WEE1: variants seen among roughly 807,000 people sequenced by gnomAD.
WEE1 encodes WEE1 G2 checkpoint kinase.
WEE1 carries 16 observed loss-of-function variants against 68.8 expected under a neutral mutation model. The ratio of observed to expected loss-of-function variants is 0.23; its 90% CI spans 0.16 to 0.35. The LOEUF is 0.35. Among genes scored for constraint, WEE1 ranks in the 10% least tolerant of loss-of-function variants. The pLI, the probability that WEE1 is intolerant of heterozygous loss-of-function variation, is 1.00. For missense variants in WEE1, 651 were observed against 824.1 expected (o/e 0.79, Z 2.57); for synonymous variants, 349 against 318.7 (o/e 1.09, Z -1.01).
intron 1 of WEE1, chr11:9,575,311 A>AT (rs1418752358): frequency 2.0e-6 from 2 of 987,390 alleles, no homozygotes. Flanking sequence ...TTTAAAGCTG[A>AT]TACTTCCAGA....
intron 6 of WEE1, among the ~76,000 whole-genome samples, chr11:9,584,367 A>T (rs1849677961): frequency 6.6e-6 from 1 of 152,084 alleles, no homozygotes; most frequent in Non-Finnish European, 1.5e-5. Flanking sequence ...GCTGGTCTCG[A>T]ATTCCAAGTC....
At position 9,586,581 on chromosome 11, in the gene WEE1, C is replaced by G; in HGVS notation, c.1603C>G (p.Pro535Ala). ...CAGACAGGGTAGATTACCTCGGATA[C>G]CACAAGTGCTTTCCCAAGAATTTAC... ...EIRQGRLPRI[P>A]QVLSQEFTEL... Residue 535 changes from proline to alanine, a missense_variant, in exon 9 of 11, where the codon CCA (proline) becomes GCA (alanine). Coordinates refer to ENST00000450114, the MANE Select transcript of WEE1 (RefSeq NM_003390.4). The G allele has an allele frequency of 6.2e-7, 1 of 1,614,062 alleles. No individual in the cohort carries two copies. The highest frequency in any genetic ancestry group is 8.5e-7 in the Non-Finnish European group (1 of 1,180,018).
At chr11:9,581,737 C>T (rs183974853) in intron 6 of WEE1, 59 bp downstream of exon 6, 9 of 1,484,016 alleles carry the variant, frequency 6.1e-6, no homozygotes, top group Non-Finnish European at 8.1e-6. Context: ...TAAATTACTT[C>T]ATTATGACAA....
Position 9,589,546 on chromosome 11 carries a change from T to A in WEE1, c.*944T>A. The A allele has an allele frequency of 2.0e-6, 2 of 985,770 alleles. No homozygotes were observed. Among genetic ancestry groups the A allele is most frequent in the Non-Finnish European group, 2.4e-6 (2 of 829,926 alleles). 61.1% of individuals were successfully genotyped at this position (985,770 alleles called of 1,614,324 possible). On this transcript the variant is annotated 3_prime_UTR_variant, in exon 11 of 11. Transcript: ENST00000450114. ...TGATACTGTACATAGCTGTTTGAAATGCCAGAATGACTTCTGACATTCCAA... is the reference window on the plus strand; with the variant it reads ...TGATACTGTACATAGCTGTTTGAAAAGCCAGAATGACTTCTGACATTCCAA...
intron 1 of WEE1, chr11:9,575,198 C>T (rs1849551472): frequency 1.0e-6 from 1 of 985,454 alleles, no homozygotes; most frequent in African/African-American, 1.7e-5. Context: ...TGATTAGGAA[C>T]ATCCTACCGT....
At position 9,589,580 on chromosome 11, in the gene WEE1, C is replaced by T; in HGVS notation, c.*978C>T. The T allele has an allele frequency of 1.0e-6, 1 of 985,698 alleles. No individual in the cohort carries two copies. The highest frequency in any genetic ancestry group is 1.2e-6 in the Non-Finnish European group (1 of 829,876). 61.1% of individuals were successfully genotyped at this position (985,698 alleles called of 1,614,324 possible). On this transcript the variant is annotated 3_prime_UTR_variant, in exon 11 of 11. Transcript: ENST00000450114. ...GACTTCTGACATTCCAAGTTTTTCA[C>T]AAAATATATTTTATCTGTGATTAGC...
At position 9,588,923 on chromosome 11, in the gene WEE1, CT is replaced by C; in HGVS notation, c.*322del. 2.0e-6 allele frequency: 2 copies of C among 997,168 alleles called. No homozygotes were observed. The highest frequency in any genetic ancestry group is 2.4e-6 in the Non-Finnish European group (2 of 837,308). 61.8% of individuals were successfully genotyped at this position (997,168 alleles called of 1,614,324 possible). The stretch of plus-strand genomic sequence containing the variant: ...AAAAGGTGTCTTTCCCTGTAGTGAC[CT>C]GTAAAAAGTACTCAAGGGCTTTATT... On this transcript the variant is annotated 3_prime_UTR_variant, in exon 11 of 11. Transcript: ENST00000450114.
At position 9,589,096 on chromosome 11, in the gene WEE1, T is replaced by C. The variant is rs908602869; in HGVS notation, c.*494T>C. The C allele has an allele frequency of 1.1e-5, 11 of 985,756 alleles. No individual in the cohort carries two copies. The African/African-American group carries it at 1.2e-4, about 11-fold the overall frequency. The allele number at this position is 985,756 out of a possible 1,614,324, so 61.1% of individuals were successfully genotyped here. The stretch of plus-strand genomic sequence containing the variant: ...TCCCACTGGGAGCACTTTGTAGGCA[T>C]TGCATGAACCATGGGATGATGATTC... On this transcript the variant is annotated 3_prime_UTR_variant, in exon 11 of 11. Transcript: ENST00000450114.
intron 4 of WEE1, 82 bp from the exon 5 acceptor site, chr11:9,577,060 G>A (rs1849572358): frequency 6.8e-7 from 1 of 1,460,768 alleles, no homozygotes; most frequent in Non-Finnish European, 9.2e-7. Flanking sequence ...AAAATTTATT[G>A]TATGAAGTTT....
chr11:9,581,307 G>T (rs1368717446), intron 5 of WEE1: 2 of 457,328 alleles, frequency 4.4e-6, no homozygotes, highest in African/African-American at 2.0e-5. Flanking sequence ...TTGCTGAGGT[G>T]TATGATTGAG....
Position 9,586,805 on chromosome 11 carries a change from A to G in WEE1, c.1736A>G (p.Gln579Arg), listed in dbSNP as rs1849705061. The change falls in exon 10 of 11, where the codon CAA becomes CGA. Residue 579 changes from glutamine (Q) to arginine (R), a missense_variant. Gln to Arg is a conservative substitution (Grantham distance 43). This residue lies in a region of WEE1 where 115 missense variants were observed against 142.7 expected (regional missense o/e 0.81). Transcript: ENST00000450114. The part of the protein sequence containing the change: ...LLSASRKSAE[Q>R]LRIELNAEKF... Reference sequence around the variant, plus strand: ...TCCGCTTCTAGAAAGAGTGCAGAACAATTACGAATAGAATTGAATGCCGAA... The same window carrying G: ...TCCGCTTCTAGAAAGAGTGCAGAACGATTACGAATAGAATTGAATGCCGAA... The G allele has an allele frequency of 6.2e-7, 1 of 1,613,304 alleles. No individual in the cohort carries two copies. The highest frequency in any genetic ancestry group is 8.5e-7 in the Non-Finnish European group (1 of 1,179,848).
chr11:9,577,062 A>G, intron 4 of WEE1, 80 bp from the exon 5 acceptor site: 1 of 1,470,360 alleles, frequency 6.8e-7, no homozygotes, highest in Admixed American at 2.3e-5. Context: ...AATTTATTGT[A>G]TGAAGTTTCA....
At position 9,574,443 on chromosome 11, in the gene WEE1, C is replaced by G; in HGVS notation, c.510C>G (p.His170Gln). Residue 170 changes from histidine (H) to glutamine (Q), a missense_variant, in exon 1 of 11, where the codon CAC becomes CAG. This residue lies in a region of WEE1 where 395 missense variants were observed against 378.4 expected (regional missense o/e 1.04). Transcript: ENST00000450114. The surrounding 1 kb of genome is among the most constrained non-coding windows in gnomAD (Gnocchi z 4.9). The stretch of plus-strand genomic sequence containing the variant: ...GCCGCCGCTCGCCGCGGCCGGACCA[C>G]CCGGGCACCCCGCCACACAAGACCT... ...GEGRRSPRPD[H>Q]PGTPPHKTFR... The G allele has an allele frequency of 1.6e-6, 2 of 1,233,594 alleles. No homozygotes were observed. Among genetic ancestry groups the G allele is most frequent in the Admixed American group, 4.2e-5 (1 of 24,006 alleles). 76.4% of individuals were successfully genotyped at this position (1,233,594 alleles called of 1,614,324 possible).
At chr11:9,575,212 T>C in intron 1 of WEE1, 1 of 985,598 alleles carries the variant, frequency 1.0e-6, no homozygotes, top group Middle Eastern at 5.2e-4. Flanking sequence ...CTACCGTAGA[T>C]AAGGTATCTT....
intron 5 of WEE1, chr11:9,581,242 CA>C (rs554842262): frequency 1.1e-3 from 280 of 258,736 alleles, no homozygotes; most frequent in Middle Eastern, 2.5e-3. Flanking sequence ...CAAAAACAAA[CA>C]AAAAAAAAGC....
At position 9,576,488 on chromosome 11, in the gene WEE1, G is replaced by A. The variant is rs1849566893; in HGVS notation, c.848G>A (p.Arg283Lys). The change falls in exon 4 of 11, where the codon AGA becomes AAA. Residue 283 changes from arginine to lysine, a missense_variant and splice_region_variant. Arg to Lys is a conservative substitution (Grantham distance 26, BLOSUM62 2). Coordinates refer to ENST00000450114, the MANE Select transcript of WEE1 (RefSeq NM_003390.4). This position sits in a 1 kb window ranked among gnomAD's most constrained non-coding sequence, Gnocchi z 4.3. ...ELEDETRPAK[R>K]ITITESNMKS... ...ATATGGAAACACTTTTTATTACAGAGAATTACAATTACTGAAAGCAATATG... is the reference window on the plus strand; with the variant it reads ...ATATGGAAACACTTTTTATTACAGAAAATTACAATTACTGAAAGCAATATG... The A allele has an allele frequency of 1.2e-6, 2 of 1,607,840 alleles. No homozygotes were observed. Among genetic ancestry groups the A allele is most frequent in the Non-Finnish European group, 1.7e-6 (2 of 1,178,314 alleles).
At position 9,585,298 on chromosome 11, in the gene WEE1, C is replaced by T. The variant is rs1347559286; in HGVS notation, c.1329C>T (p.Ala443=). 9 of 1,613,954 alleles carry T rather than the reference C, an allele frequency of 5.6e-6. No homozygotes were observed. The highest frequency in any genetic ancestry group is 7.6e-6 in the Non-Finnish European group (9 of 1,180,016). Residue 443 remains alanine, a synonymous_variant, in exon 7 of 11, where the codon GCC becomes GCT. Transcript: ENST00000450114. ...CTCGAACCTCAATCCCAAATGCTGC[C>T]TCTGAAGAAGGAGACGAAGATGATT... The part of the protein sequence containing the change: ...FISRTSIPNA[A]SEEGDEDDWA...
chr11:9,575,533 A>G, intron 1 of WEE1: 1 of 436,142 alleles, frequency 2.3e-6, no homozygotes, highest in Non-Finnish European at 3.4e-6. Context: ...CCCTATCTAG[A>G]TGGGGGAGGG....
chr11:9,586,257 G>A (rs1297329258), intron 8 of WEE1, among the ~76,000 whole-genome samples, 192 bp from the exon 9 acceptor site: 1 of 152,092 alleles, frequency 6.6e-6, no homozygotes, highest in African/African-American at 2.4e-5. Context: ...CCAAGAGTGT[G>A]TATTACTTTG....
Sources: gnomAD v4.1 joint callset for allele counts (sites outside exome capture counted in the v4.1 genomes callset) on GRCh38, gnomAD v4.1.1 for gene constraint, gnomAD v4.1.1 regional missense constraint, Gnocchi (gnomAD v3.1) non-coding constraint, MANE v1.5 for transcripts, NCBI Gene and HGNC (gene_info 2026-07-23, HGNC 2026-07-21) for gene names.